The following RIC3 variants were observed in gnomAD, a reference collection of about 807,000 sequenced individuals.
RIC3 encodes the protein protein RIC-3.
A neutral mutation model predicts 27.3 loss-of-function variants in RIC3; 28 were observed. The observed-to-expected ratio is 1.02, with a 90% confidence interval of 0.76 to 1.41. The LOEUF is 1.41. RIC3 is among the 40% of genes most tolerant of loss of function. The pLI, the probability that RIC3 is intolerant of heterozygous loss-of-function variation, is 0.00. For missense variants in RIC3, 501 were observed against 444.7 expected (o/e 1.13, Z -1.14); for synonymous variants, 184 against 160.4 (o/e 1.15, Z -1.11).
chr11:8,167,168 C>G (rs1232221686), intron 1 of RIC3, among the ~76,000 whole-genome samples: 1 of 151,984 alleles, frequency 6.6e-6, no homozygotes, highest in Non-Finnish European at 1.5e-5. Context: ...ATTGACTGCC[C>G]ATTATATGCC....
intron 1 of RIC3, among the ~76,000 whole-genome samples, chr11:8,150,364 G>A (rs1950105711): frequency 6.6e-6 from 1 of 152,204 alleles, no homozygotes; most frequent in East Asian, 1.9e-4. Context: ...CAAAAATAGA[G>A]CTCATGGAGG....
At chr11:8,127,574 C>G (rs781474531) in intron 4 of RIC3, among the ~76,000 whole-genome samples, 31 of 152,178 alleles carry the variant, frequency 2.0e-4, no homozygotes, top group Non-Finnish European at 2.8e-4. Flanking sequence ...TAACATGAGA[C>G]TCAAGGATAA....
chr11:8,108,183 C>T lies in RIC3; in HGVS notation c.*2515G>A, dbSNP rs1437304360. 6.6e-6 allele frequency: 1 copy of T among 152,170 alleles called. No individual in the cohort carries two copies. Among genetic ancestry groups the T allele is most frequent in the Non-Finnish European group, 1.5e-5 (1 of 68,018 alleles). 9.4% of individuals were successfully genotyped at this position (152,170 alleles called of 1,614,324 possible). A position where few individuals can be genotyped will look rare whatever the true frequency, so the allele number is the denominator to read the frequency against. Reference sequence around the variant, plus strand: ...GGAATTTCCATAAGCCAATTTTCCCCAAAGACCAACAACACTTTACATAAC... The same window carrying T: ...GGAATTTCCATAAGCCAATTTTCCCTAAAGACCAACAACACTTTACATAAC... On this transcript the variant is annotated 3_prime_UTR_variant, in exon 6 of 6. Transcript: ENST00000309737.
rs1257675246 is a variant in RIC3, at chr11:8,106,476, G to A, written c.*4222C>T. 3 of 152,222 alleles carry A rather than the reference G, an allele frequency of 2.0e-5. No homozygotes were observed. The highest frequency in any genetic ancestry group is 1.3e-4 in the Admixed American group (2 of 15,276). The allele number at this position is 152,222 out of a possible 1,614,324, so 9.4% of individuals were successfully genotyped here. A position where few individuals can be genotyped will look rare whatever the true frequency, so the allele number is the denominator to read the frequency against. On this transcript the variant is annotated 3_prime_UTR_variant, in exon 6 of 6. Transcript: ENST00000309737. ...ACCCAGAGGCTGGAAAAATGGTGAA[G>A]TCAGAAGGTACTTAAGTTAGAGCAG...
chr11:8,139,550 G>C (rs1250221061), intron 2 of RIC3: 1 of 171,146 alleles, frequency 5.8e-6, no homozygotes, highest in Non-Finnish European at 1.2e-5. Context: ...GCCTTACAAT[G>C]GCTATTTGGA....
chr11:8,138,490 T>C, intron 2 of RIC3, 143 bp from the exon 3 acceptor site: 2 of 413,876 alleles, frequency 4.8e-6, no homozygotes, highest in Non-Finnish European at 4.2e-6. Flanking sequence ...GAGAAATAGC[T>C]CAAAAAAAAA....
chr11:8,105,025 AG>A (rs1944487422), downstream of RIC3: 1 of 151,030 alleles, frequency 6.6e-6, no homozygotes, highest in Non-Finnish European at 1.5e-5. Context: ...AACAAGTGAC[AG>A]GGTTGGTTTC....
intron 1 of RIC3, among the ~76,000 whole-genome samples, chr11:8,155,242 T>G (rs1421624416): frequency 7.0e-6 from 1 of 142,660 alleles, no homozygotes; most frequent in African/African-American, 2.6e-5. Flanking sequence ...AAAAAAAAAT[T>G]CACTTAAGTT....
At chr11:8,159,871 G>A (rs1951017623) in intron 1 of RIC3, among the ~76,000 whole-genome samples, 2 of 152,070 alleles carry the variant, frequency 1.3e-5, no homozygotes, top group Admixed American at 1.3e-4. Context: ...GTGGATGCCT[G>A]TAATCCCAGC....
chr11:8,138,460 T>C, intron 2 of RIC3, 113 bp from the exon 3 acceptor site: 1 of 592,010 alleles, frequency 1.7e-6, no homozygotes, highest in Non-Finnish European at 3.0e-6. Flanking sequence ...GGTCAGAAAT[T>C]AAATCAAATA....
At chr11:8,095,747 TC>T in the RIC3 span, 13 of 1,445,934 alleles carry the variant, frequency 9.0e-6, no homozygotes, top group Non-Finnish European at 1.2e-5. Flanking sequence ...AGCATGGCCT[TC>T]CTGTGTCCAA....
intron 1 of RIC3, among the ~76,000 whole-genome samples, chr11:8,166,690 TG>T (rs1464101124): frequency 6.6e-6 from 1 of 152,066 alleles, no homozygotes; most frequent in African/African-American, 2.4e-5. Context: ...GACAATACAA[TG>T]AGACCCCCAT....
In RIC3 at chr11:8,153,473, G is replaced by C. The variant is rs536606991; in HGVS notation, c.125-13280C>G. The C allele has an allele frequency of 2.0e-4, 87 of 443,590 alleles. 1 individual carries two copies. The highest frequency in any genetic ancestry group is 1.6e-3 in the African/African-American group (81 of 49,442). 27.5% of individuals were successfully genotyped at this position (443,590 alleles called of 1,614,324 possible). On this transcript the variant is annotated intron_variant, in intron 1 of 5. Transcript: ENST00000309737. ...ACATAGTGGTCATTCAATAAATATT[G>C]GATTAATCTGAATAAATCCTTGTCA...
intron 1 of RIC3, among the ~76,000 whole-genome samples, chr11:8,166,385 A>G (rs532752946): frequency 1.4e-4 from 22 of 152,240 alleles, no homozygotes; most frequent in Non-Finnish European, 2.9e-4. Context: ...TCATGTGGAA[A>G]GGGAACTGTG....
chr11:8,097,445 G>A, the RIC3 span: 10 of 1,614,080 alleles, frequency 6.2e-6, no homozygotes, highest in African/African-American at 1.3e-5. Flanking sequence ...GTCTGGGCAT[G>A]TTATCATCTA....
chr11:8,147,724 ATTT>A (rs900780947), intron 1 of RIC3, among the ~76,000 whole-genome samples: 7 of 124,498 alleles, frequency 5.6e-5, no homozygotes, highest in East Asian at 2.2e-4. Context: ...CTTGCGTAAG[ATTT>A]TTTTTTTTTT....
chr11:8,152,443 A>G (rs1175556277), intron 1 of RIC3, among the ~76,000 whole-genome samples: 3 of 152,250 alleles, frequency 2.0e-5, no homozygotes, highest in Non-Finnish European at 2.9e-5. Context: ...CGAAAATATT[A>G]TAAGTGAATA....
intron 1 of RIC3, among the ~76,000 whole-genome samples, chr11:8,149,403 A>G (rs1385914457): frequency 1.3e-5 from 2 of 152,092 alleles, no homozygotes. Context: ...GTAAGAAGAG[A>G]TAAGAAGTAA....
chr11:8,111,759 A>G (rs1355734747), intron 5 of RIC3, among the ~76,000 whole-genome samples: 3 of 152,252 alleles, frequency 2.0e-5, no homozygotes, highest in Non-Finnish European at 4.4e-5. Context: ...ACAAAATGGA[A>G]CAAAAGAAAA....
Sources: gnomAD v4.1 joint callset for allele counts (sites outside exome capture counted in the v4.1 genomes callset) on GRCh38, gnomAD v4.1.1 for gene constraint, MANE v1.5 for transcripts, NCBI Gene and HGNC (gene_info 2026-07-23, HGNC 2026-07-21) for gene names.